The following PALLD variants were observed in gnomAD, a reference collection of about 807,000 sequenced individuals.
PALLD encodes the protein palladin.
In PALLD, 61 loss-of-function variants were observed where a neutral mutation model predicts 123.5. The ratio of observed to expected loss-of-function variants is 0.49; its 90% CI spans 0.40 to 0.61. The LOEUF (loss-of-function observed/expected upper bound fraction) is 0.61, where lower values mean the gene tolerates loss of function less well. Among genes scored for constraint, PALLD ranks in the 20% least tolerant of loss-of-function variants. The pLI, the probability that PALLD is intolerant of heterozygous loss-of-function variation, is 0.00. For missense variants in PALLD, 1,273 were observed against 1,377.0 expected, an observed-to-expected ratio of 0.92 and a Z score of 1.20; for synonymous variants, 465 against 496.4, an observed-to-expected ratio of 0.94 and a Z score of 0.84.
chr4:168,733,803 T>C (rs34972358), intron 10 of PALLD, among the ~76,000 whole-genome samples: 35,192 of 152,160 alleles, frequency 0.23, 4,822 homozygotes, highest in Non-Finnish European at 0.3. Flanking sequence ...GGTGCTATCT[T>C]GGCTCACTGC....
chr4:168,897,237 C>T (rs1263729179), intron 13 of PALLD, among the ~76,000 whole-genome samples: 1 of 152,120 alleles, frequency 6.6e-6, no homozygotes, highest in Non-Finnish European at 1.5e-5. Flanking sequence ...AGTGCTAATT[C>T]TTCAAGGGAT....
chr4:168,848,693 G>T (rs1039877586), intron 10 of PALLD, among the ~76,000 whole-genome samples: 5 of 152,178 alleles, frequency 3.3e-5, no homozygotes, highest in African/African-American at 4.8e-5. Flanking sequence ...GCCTTAAACA[G>T]TTGAAAGGAA....
Position 168,898,516 on chromosome 4 carries a change from A to G in PALLD, c.2274A>G (p.Glu758=). ...GQKEYKVSSC[E]QRLISEIEYR... is the part of the protein sequence containing the mutation. ...AGGAATACAAAGTCTCCAGCTGTGA[A>G]CAGAGACTCATCAGTGAAATAGAGT... The change falls in exon 14 of 22, where the codon GAA becomes GAG. Residue 758 remains glutamate (E), a synonymous_variant. Coordinates refer to ENST00000505667, the MANE Select transcript of PALLD (RefSeq NM_001166108.2). The G allele has an allele frequency of 6.2e-7, 1 of 1,612,694 alleles. No homozygotes were observed. Among genetic ancestry groups the G allele is most frequent in the Non-Finnish European group, 8.5e-7 (1 of 1,178,674 alleles).
chr4:168,784,923 C>A (rs750210000), intron 10 of PALLD, among the ~76,000 whole-genome samples: 1 of 152,064 alleles, frequency 6.6e-6, no homozygotes, highest in African/African-American at 2.4e-5. Context: ...TCTTTCCTGT[C>A]GGAGCAGTGG....
intron 10 of PALLD, among the ~76,000 whole-genome samples, chr4:168,724,651 G>A (rs1015256926): frequency 6.6e-6 from 1 of 152,132 alleles, no homozygotes; most frequent in African/African-American, 2.4e-5. Context: ...TCTAAAATAA[G>A]TTGGCTGGAT....
rs759161060 is a variant in PALLD at position 168,924,411 on chromosome 4, A to C, written c.3215A>C (p.Asp1072Ala). The change falls in exon 19 of 22, where the codon GAC (aspartate) becomes GCC (alanine). Residue 1072 changes from aspartate (D) to alanine (A), a missense_variant. Coordinates refer to ENST00000505667, the MANE Select transcript of PALLD (RefSeq NM_001166108.2). ...AATGAATCACTCACTCACAGCACTGACCGAGTGAGGTAAGACTGCACAATG... is the reference window on the plus strand; with the variant it reads ...AATGAATCACTCACTCACAGCACTGCCCGAGTGAGGTAAGACTGCACAATG... The part of the protein sequence containing the change: ...KENESLTHST[D>A]RVSMHQDNHG... 3.7e-6 allele frequency: 6 copies of C among 1,613,592 alleles called. No homozygotes were observed. The highest frequency in any genetic ancestry group is 5.1e-6 in the Non-Finnish European group (6 of 1,179,534).
chr4:168,576,789 A>G (rs192608018), intron 2 of PALLD, among the ~76,000 whole-genome samples: 1 of 152,246 alleles, frequency 6.6e-6, no homozygotes, highest in Admixed American at 6.5e-5. Flanking sequence ...TTCTAGTTCT[A>G]GATCCCTGAG....
At chr4:168,548,817 C>T (rs548211138) in intron 2 of PALLD, among the ~76,000 whole-genome samples, 42 of 152,182 alleles carry the variant, frequency 2.8e-4, no homozygotes, top group African/African-American at 9.6e-4. Flanking sequence ...TTGAAATTAA[C>T]GATTTAAATA....
intron 10 of PALLD, among the ~76,000 whole-genome samples, chr4:168,815,982 C>T (rs1431552513): frequency 1.3e-5 from 2 of 152,194 alleles, no homozygotes; most frequent in Non-Finnish European, 2.9e-5. Flanking sequence ...ACCTTGAAAA[C>T]TGCTTTGTTC....
intron 10 of PALLD, among the ~76,000 whole-genome samples, chr4:168,853,001 A>C (rs1748025139): frequency 6.6e-6 from 1 of 152,224 alleles, no homozygotes; most frequent in Non-Finnish European, 1.5e-5. Context: ...TGTCAAGTTT[A>C]CTTTTTAGGA....
intron 10 of PALLD, among the ~76,000 whole-genome samples, chr4:168,720,114 A>G (rs1785845369): frequency 6.6e-6 from 1 of 152,238 alleles, no homozygotes; most frequent in Non-Finnish European, 1.5e-5. Context: ...TGAAAGAGAC[A>G]AGAGCAGTAC....
intron 2 of PALLD, chr4:168,648,506 A>G (rs971786590): frequency 6.6e-6 from 1 of 152,200 alleles, no homozygotes; most frequent in African/African-American, 2.4e-5. Flanking sequence ...TCTGGAGAGT[A>G]AGAGACCGGC....
chr4:168,607,702 G>A (rs1773322355), intron 2 of PALLD, among the ~76,000 whole-genome samples: 1 of 152,020 alleles, frequency 6.6e-6, no homozygotes, highest in South Asian at 2.1e-4. Context: ...TAGCCAAGTA[G>A]TTGAGGCTGT....
At chr4:168,900,339 G>A (rs1209359325) in intron 14 of PALLD, among the ~76,000 whole-genome samples, 2 of 152,036 alleles carry the variant, frequency 1.3e-5, no homozygotes, top group Non-Finnish European at 2.9e-5. Context: ...GCCAAGTATT[G>A]CACAATATTG....
At chr4:168,731,839 G>A (rs1015420817) in intron 10 of PALLD, among the ~76,000 whole-genome samples, 4 of 152,356 alleles carry the variant, frequency 2.6e-5, no homozygotes, top group African/African-American at 9.6e-5. Context: ...TACCAAAAAT[G>A]AGAGGGAAGT....
At chr4:168,895,910 G>A (rs1291771240) in intron 12 of PALLD, among the ~76,000 whole-genome samples, 5 of 152,130 alleles carry the variant, frequency 3.3e-5, no homozygotes, top group African/African-American at 9.7e-5. Context: ...AATATTGTAA[G>A]TTGAAAGTGC....
intron 10 of PALLD, among the ~76,000 whole-genome samples, chr4:168,718,348 A>G (rs17054505): frequency 0.014 from 2,130 of 152,368 alleles, 48 homozygotes; most frequent in African/African-American, 0.042. Context: ...ACAAGTTGGG[A>G]CAAAATAACT....
At chr4:168,787,049 T>TG (rs1307702293) in intron 10 of PALLD, among the ~76,000 whole-genome samples, 1 of 152,252 alleles carries the variant, frequency 6.6e-6, no homozygotes, top group Non-Finnish European at 1.5e-5. Context: ...CCAGCTATTA[T>TG]GTATATTCAT....
intron 8 of PALLD, among the ~76,000 whole-genome samples, chr4:168,701,225 C>T (rs1435608488): frequency 3.3e-5 from 5 of 152,222 alleles, no homozygotes; most frequent in Non-Finnish European, 7.3e-5. Flanking sequence ...GGAGCCAGGG[C>T]TTAGAAACTT....
Sources: gnomAD v4.1 joint callset for allele counts (sites outside exome capture counted in the v4.1 genomes callset) on GRCh38, gnomAD v4.1.1 for gene constraint, MANE v1.5 for transcripts, NCBI Gene and HGNC (gene_info 2026-07-23, HGNC 2026-07-21) for gene names.